Variants in PDE4D observed in about 807,000 individuals in gnomAD.
PDE4D encodes the protein 3',5'-cyclic-AMP phosphodiesterase 4D.
Under a neutral mutation model 87.4 loss-of-function variants are expected in PDE4D, and 24 were observed. That is an observed-to-expected ratio of 0.27 (90% CI 0.20 to 0.39). The LOEUF is 0.39. Among genes scored for constraint, PDE4D ranks in the 10% least tolerant of loss-of-function variants. PDE4D has a pLI of 1.00. For missense variants in PDE4D, 714 were observed against 1,041.0 expected (o/e 0.69, Z 4.32); for synonymous variants, 384 against 383.2 (o/e 1.00, Z -0.02).
intron 1 of PDE4D, among the ~76,000 whole-genome samples, chr5:60,232,390 A>C (rs1212730851): frequency 2.6e-5 from 4 of 151,862 alleles, no homozygotes; most frequent in Non-Finnish European, 1.5e-5. Flanking sequence ...TGCAACTTTA[A>C]ATGCTTTAAT....
intron 1 of PDE4D, among the ~76,000 whole-genome samples, chr5:59,486,724 C>T (rs1805219592): frequency 6.6e-6 from 1 of 152,112 alleles, no homozygotes; most frequent in Non-Finnish European, 1.5e-5. Flanking sequence ...TCTTAACCAC[C>T]AGTGTACATT....
Position 58,975,567 on chromosome 5 carries a change from C to A in PDE4D, c.2013+90G>T. On this transcript the variant is annotated intron_variant, in intron 14 of 14. Coordinates refer to ENST00000340635, the MANE Select transcript of PDE4D (RefSeq NM_001104631.2). This position sits in a 1 kb window ranked among gnomAD's most constrained non-coding sequence, Gnocchi z 4.2. ...CAAAAACAAAGTAATTTTAAAAATC[C>A]AGTAAAATACTATCATATGTAATAC... 2.0e-6 allele frequency: 2 copies of A among 1,004,208 alleles called. No homozygotes were observed. The highest frequency in any genetic ancestry group is 1.3e-6 in the Non-Finnish European group (1 of 741,998). The allele number at this position is 1,004,208 out of a possible 1,614,324, so 62.2% of individuals were successfully genotyped here. A position where few individuals can be genotyped will look rare whatever the true frequency, so the allele number is the denominator to read the frequency against.
intron 5 of PDE4D, among the ~76,000 whole-genome samples, chr5:59,069,431 G>T (rs530058326): frequency 6.6e-6 from 1 of 152,056 alleles, no homozygotes; most frequent in South Asian, 2.1e-4. Flanking sequence ...TCGTACCAGC[G>T]TCCTAACATT....
intron 1 of PDE4D, among the ~76,000 whole-genome samples, chr5:60,344,686 T>C (rs1011375443): frequency 2.0e-5 from 3 of 152,126 alleles, no homozygotes; most frequent in South Asian, 2.1e-4. Context: ...AAGAGATAAA[T>C]AGTTTAAACA....
At chr5:59,569,460 C>G (rs1414092018) in intron 1 of PDE4D, among the ~76,000 whole-genome samples, 1 of 152,082 alleles carries the variant, frequency 6.6e-6, no homozygotes, top group Non-Finnish European at 1.5e-5. Flanking sequence ...AAGTTTTACA[C>G]CAAACAAAAA....
At chr5:60,123,674 T>C (rs974495795) in intron 2 of PDE4D, among the ~76,000 whole-genome samples, 5 of 152,094 alleles carry the variant, frequency 3.3e-5, no homozygotes, top group Non-Finnish European at 5.9e-5. Flanking sequence ...CTTCTTGATA[T>C]GCAGTGACCA....
intron 1 of PDE4D, among the ~76,000 whole-genome samples, chr5:59,451,669 T>C (rs1164131318): frequency 1.3e-5 from 2 of 152,220 alleles, no homozygotes; most frequent in East Asian, 3.9e-4. Flanking sequence ...CTCCTACCTC[T>C]ATCTCTCAGA....
chr5:59,553,162 A>G (rs890657435), intron 1 of PDE4D, among the ~76,000 whole-genome samples: 4 of 152,112 alleles, frequency 2.6e-5, no homozygotes, highest in African/African-American at 9.7e-5. Context: ...GCACAATTTA[A>G]TCAGGATTGT....
chr5:59,725,757 T>G (rs554497705), intron 1 of PDE4D, among the ~76,000 whole-genome samples: 1 of 152,266 alleles, frequency 6.6e-6, no homozygotes. Flanking sequence ...CTCTTGGACT[T>G]AGGAAACAAT....
chr5:59,515,737 A>G (rs1039956546), intron 1 of PDE4D, among the ~76,000 whole-genome samples: 1 of 152,212 alleles, frequency 6.6e-6, no homozygotes, highest in Non-Finnish European at 1.5e-5. Flanking sequence ...AATGTATAAG[A>G]TCTTCGTAAC....
chr5:59,655,115 C>T (rs1744144620), intron 1 of PDE4D, among the ~76,000 whole-genome samples: 1 of 150,152 alleles, frequency 6.7e-6, no homozygotes, highest in Admixed American at 6.6e-5. Context: ...CTACAATATT[C>T]TATGTTTTTT....
intron 1 of PDE4D, among the ~76,000 whole-genome samples, chr5:60,504,766 G>T (rs1010489521): frequency 3.3e-5 from 5 of 152,082 alleles, no homozygotes; most frequent in Non-Finnish European, 7.4e-5. Flanking sequence ...ATTTATTATG[G>T]TTAGAAAAAT....
chr5:60,307,638 T>C (rs943915845), intron 1 of PDE4D, among the ~76,000 whole-genome samples: 3 of 152,020 alleles, frequency 2.0e-5, no homozygotes, highest in African/African-American at 7.2e-5. Flanking sequence ...CTGCATTTAC[T>C]AGTCAGCCCT....
chr5:60,049,489 T>G (rs1462174500), intron 2 of PDE4D, among the ~76,000 whole-genome samples: 1 of 152,220 alleles, frequency 6.6e-6, no homozygotes, highest in Non-Finnish European at 1.5e-5. Context: ...TTCCCCATTT[T>G]TGTGGTTTTA....
intron 1 of PDE4D, among the ~76,000 whole-genome samples, chr5:59,301,013 G>A (rs139542107): frequency 6.6e-6 from 1 of 152,104 alleles, no homozygotes; most frequent in Non-Finnish European, 1.5e-5. Context: ...TGGGGGAAGG[G>A]GTGTGGAGCT....
At chr5:59,060,692 G>A (rs991974932) in intron 5 of PDE4D, among the ~76,000 whole-genome samples, 1 of 152,116 alleles carries the variant, frequency 6.6e-6, no homozygotes, top group Non-Finnish European at 1.5e-5. Context: ...ACATAGGCCA[G>A]GCTGAGACTT....
chr5:59,195,108 T>A (rs1745163624), intron 2 of PDE4D, among the ~76,000 whole-genome samples: 2 of 152,304 alleles, frequency 1.3e-5, no homozygotes, highest in African/African-American at 2.4e-5. Flanking sequence ...CAGATGCTGA[T>A]GCCATGTCCT....
At chr5:59,655,359 A>C (rs1279066414) in intron 1 of PDE4D, among the ~76,000 whole-genome samples, 2 of 152,148 alleles carry the variant, frequency 1.3e-5, no homozygotes, top group African/African-American at 4.8e-5. Context: ...AATTAACTTA[A>C]TTCCTTGAAG....
At chr5:59,030,833 T>C (rs905099453) in intron 6 of PDE4D, among the ~76,000 whole-genome samples, 6 of 152,192 alleles carry the variant, frequency 3.9e-5, no homozygotes, top group Admixed American at 2.0e-4. Context: ...TATTTTCCTT[T>C]TTTTTCTCTT....
Sources: allele counts gnomAD v4.1 joint callset (sites outside exome capture counted in the v4.1 genomes callset), GRCh38; gene constraint gnomAD v4.1.1; non-coding constraint Gnocchi (gnomAD v3.1); transcripts MANE v1.5; gene names NCBI Gene and HGNC (gene_info 2026-07-23, HGNC 2026-07-21).